The following LPO variants were observed in gnomAD, a reference collection of about 807,000 sequenced individuals.
LPO encodes the protein lactoperoxidase, also known as salivary peroxidase.
Under a neutral mutation model 68.4 loss-of-function variants are expected in LPO, and 70 were observed. The observed-to-expected ratio is 1.02, with a 90% CI of 0.84 to 1.25. The LOEUF is 1.25. Ranked by LOEUF, LPO falls within the 50% of genes most tolerant of loss-of-function variation. LPO has a pLI of 0.00. For synonymous variants in LPO, 360 were observed against 357.6 expected (o/e 1.01, Z -0.08); for missense variants, 873 against 908.4 (o/e 0.96, Z 0.50).
chr17:58,265,628 C>T (rs571190653), intron 10 of LPO, among the ~76,000 whole-genome samples: 1 of 128,008 alleles, frequency 7.8e-6, no homozygotes, highest in South Asian at 2.5e-4. Context: ...GTCACCCAGG[C>T]TGGAGTGCAA....
In LPO at chr17:58,267,952, C is replaced by T. The variant is rs925939053; in HGVS notation, c.2097C>T (p.Ile699=). The T allele has an allele frequency of 1.9e-5, 31 of 1,614,052 alleles. No individual in the cohort carries two copies. The highest frequency in any genetic ancestry group is 6.7e-5 in the East Asian group (3 of 44,890). Residue 699 remains isoleucine (I), a synonymous_variant, in exon 13 of 13, where the codon ATC becomes ATT. Coordinates refer to ENST00000262290, the MANE Select transcript of LPO (RefSeq NM_006151.3). The part of the protein sequence containing the change: ...YPYDFVDCSA[I]DKLDLSPWAS... ...ATGACTTCGTGGATTGCTCAGCCAT[C>T]GACAAGCTGGACCTGTCACCCTGGG...
chr17:58,249,790 G>T, intron 6 of LPO, 95 bp downstream of exon 6: 2 of 1,420,370 alleles, frequency 1.4e-6, no homozygotes, highest in East Asian at 2.7e-5. Flanking sequence ...GGGATCGGTG[G>T]GGGCAGCAGG....
rs550893860 is a variant in LPO, at chr17:58,261,803, T to A, written c.1267-2919T>A. Among the ~76,000 whole-genome samples, 8 of 152,332 alleles carry A rather than the reference T, an allele frequency of 5.3e-5. No homozygotes were observed. The East Asian group carries it at 1.3e-3, about 26-fold the overall frequency. On this transcript the variant is annotated intron_variant, in intron 9 of 12. Coordinates refer to ENST00000262290, the MANE Select transcript of LPO (RefSeq NM_006151.3). ...CTTTGTATAATTTTCTTAGTGGTTGTTCTCCGGATAGATAGGTAGATAGAT... is the reference window on the plus strand; with the variant it reads ...CTTTGTATAATTTTCTTAGTGGTTGATCTCCGGATAGATAGGTAGATAGAT...
chr17:58,258,352 C>A (rs528355212), intron 9 of LPO, among the ~76,000 whole-genome samples: 1 of 152,152 alleles, frequency 6.6e-6, no homozygotes, highest in East Asian at 1.9e-4. Flanking sequence ...TTTTATTCTC[C>A]GGCATATGGA....
chr17:58,241,731 A>G (rs969992114), intron 1 of LPO, among the ~76,000 whole-genome samples: 3 of 152,314 alleles, frequency 2.0e-5, no homozygotes, highest in Middle Eastern at 3.4e-3. Context: ...GTTAGCTGGC[A>G]AAAAGTACAA....
chr17:58,241,545 T>C (rs1306303483), intron 1 of LPO, among the ~76,000 whole-genome samples: 1 of 152,184 alleles, frequency 6.6e-6, no homozygotes, highest in African/African-American at 2.4e-5. Flanking sequence ...TTGCAAAATA[T>C]GGTGACAGAG....
At position 58,268,089 on chromosome 17, in the gene LPO, C is replaced by T; in HGVS notation, c.*95C>T. The T allele has an allele frequency of 1.5e-6, 2 of 1,311,478 alleles. No homozygotes were observed. The highest frequency in any genetic ancestry group is 2.1e-6 in the Non-Finnish European group (2 of 937,210). The allele number at this position is 1,311,478 out of a possible 1,614,324, so 81.2% of individuals were successfully genotyped here. ...CCCTTAGAGCTCCATATCCCAGTCC[C>T]AGCCCTTCTTTGCAGCTGGGCCTCT... is the stretch of plus-strand genomic sequence containing the variant. On this transcript the variant is annotated 3_prime_UTR_variant, in exon 13 of 13. Coordinates refer to ENST00000262290, the MANE Select transcript of LPO (RefSeq NM_006151.3).
intron 4 of LPO, among the ~76,000 whole-genome samples, chr17:58,247,994 C>T (rs1969882709): frequency 6.6e-6 from 1 of 152,190 alleles, no homozygotes; most frequent in African/African-American, 2.4e-5. Flanking sequence ...AGTGTCACCA[C>T]TTCCTCTAGT....
In LPO at chr17:58,247,601, G is replaced by C. The variant is rs202176211; in HGVS notation, c.288G>C (p.Lys96Asn). The change falls in exon 4 of 13, where the codon AAG (lysine) becomes AAC (asparagine). Residue 96 changes from lysine (K) to asparagine (N), a missense_variant. Transcript: ENST00000262290. ...GACAGGTGTGGGAGGAGTCTTTAAA[G>C]AGACTGAGGCAGAAGGCATCCTTGA... ...RNGQVWEESL[K>N]RLRQKASLTN... 4 of 1,614,180 alleles carry C rather than the reference G, an allele frequency of 2.5e-6. No homozygotes were observed. In the East Asian group the frequency reaches 6.7e-5, roughly 27 times the overall value.
chr17:58,243,824 G>A, intron 2 of LPO, 170 bp from the exon 3 acceptor site: 1 of 609,904 alleles, frequency 1.6e-6, no homozygotes. Flanking sequence ...TTCCCATTCT[G>A]TGCTTTTTCC....
Position 58,249,627 on chromosome 17 carries a change from G to C in LPO, c.505G>C (p.Glu169Gln). 2 of 1,602,236 alleles carry C rather than the reference G, an allele frequency of 1.2e-6. No homozygotes were observed. The highest frequency in any genetic ancestry group is 1.7e-6 in the Non-Finnish European group (2 of 1,178,934). The change falls in exon 6 of 13, where the codon GAG becomes CAG. Residue 169 changes from glutamate to glutamine, a missense_variant. Glu to Gln is a conservative substitution (Grantham distance 29). Coordinates refer to ENST00000262290, the MANE Select transcript of LPO (RefSeq NM_006151.3). The stretch of plus-strand genomic sequence containing the variant: ...GGCGCGCTGGCTGCCCGCGGAGTAC[G>C]AGGACGGGCTCTCCCTGCCCTTCGG... Reference protein sequence around the residue: ...ALARWLPAEYEDGLSLPFGWT... With the variant: ...ALARWLPAEYQDGLSLPFGWT...
intron 7 of LPO, 150 bp downstream of exon 7, chr17:58,250,771 C>A: frequency 1.3e-6 from 1 of 752,522 alleles, no homozygotes; most frequent in Non-Finnish European, 2.2e-6. Context: ...GTTCACTCAT[C>A]CGTTTATTCA....
chr17:58,255,604 G>A (rs902634787), intron 9 of LPO, among the ~76,000 whole-genome samples: 1 of 152,216 alleles, frequency 6.6e-6, no homozygotes, highest in African/African-American at 2.4e-5. Flanking sequence ...ACCGAGCAGA[G>A]GGCAGAGCCA....
chr17:58,244,841 G>T (rs1178318601), intron 3 of LPO, among the ~76,000 whole-genome samples: 1 of 152,210 alleles, frequency 6.6e-6, no homozygotes, highest in Non-Finnish European at 1.5e-5. Flanking sequence ...GCAGCAAGGG[G>T]AAGAGCCCAG....
In LPO at chr17:58,250,396, C is replaced by T. The variant is rs554607454; in HGVS notation, c.574-19C>T. 9 of 1,607,470 alleles carry T rather than the reference C, an allele frequency of 5.6e-6. No homozygotes were observed. The highest frequency in any genetic ancestry group is 7.7e-6 in the Non-Finnish European group (9 of 1,174,108). ...ACTTTTTCCTCTAATCTGCCCTCCC[C>T]TTCTCTCTCCATCTGTAGGCCCGGG... On this transcript the variant is annotated intron_variant, in intron 6 of 12. Transcript: ENST00000262290.
chr17:58,244,059 G>T lies in LPO; in HGVS notation c.142G>T (p.Ala48Ser), dbSNP rs776361744. The T allele has an allele frequency of 6.2e-7, 1 of 1,611,408 alleles. No homozygotes were observed. Among genetic ancestry groups the T allele is most frequent in the Non-Finnish European group, 8.5e-7 (1 of 1,179,538 alleles). The change falls in exon 3 of 13, where the codon GCC (alanine) becomes TCC (serine). Residue 48 changes from alanine (A) to serine (S), a missense_variant. Transcript: ENST00000262290. ...VSQAKVQVNK[A>S]FLDSRTRLKT... ...TCAGGCCAAGGTCCAAGTCAACAAG[G>T]CCTTCCTGGACTCCCGAACCAGGTA...
chr17:58,253,527 A>G (rs1970003847), intron 8 of LPO, among the ~76,000 whole-genome samples: 2 of 152,166 alleles, frequency 1.3e-5, no homozygotes, highest in African/African-American at 2.4e-5. Flanking sequence ...TCCCCATTCC[A>G]TTCAGCCTGT....
At position 58,243,218 on chromosome 17, in the gene LPO, A is replaced by C. The variant is rs1016427508; in HGVS notation, c.76+163A>C. On this transcript the variant is annotated intron_variant, in intron 2 of 12. Coordinates refer to ENST00000262290, the MANE Select transcript of LPO (RefSeq NM_006151.3). ...CTCCCTCTGAAGGCTCTAGGGAAGAATGCTTCCTTTCTTCTTCCAGCTTCT... is the reference window on the plus strand; with the variant it reads ...CTCCCTCTGAAGGCTCTAGGGAAGACTGCTTCCTTTCTTCTTCCAGCTTCT... 43 of 628,810 alleles carry C rather than the reference A, an allele frequency of 6.8e-5. No individual in the cohort carries two copies. In the Middle Eastern group the frequency reaches 1.2e-3, roughly 18 times the overall value. The allele number at this position is 628,810 out of a possible 1,614,324, so 39.0% of individuals were successfully genotyped here.
chr17:58,267,474 A>G lies in LPO; in HGVS notation c.1819A>G (p.Ile607Val). The G allele has an allele frequency of 6.2e-7, 1 of 1,614,234 alleles. No homozygotes were observed. The highest frequency in any genetic ancestry group is 8.5e-7 in the Non-Finnish European group (1 of 1,180,038). ...GGGTCTCTACGGGACCCCTGACAAC[A>G]TCGACATCTGGATAGGGGCCATTGC... is the stretch of plus-strand genomic sequence containing the variant. The part of the protein sequence containing the change: ...LLGLYGTPDN[I>V]DIWIGAIAEP... Residue 607 changes from isoleucine (I) to valine (V), a missense_variant, in exon 12 of 13, where the codon ATC (isoleucine) becomes GTC (valine). Physicochemically the swap from Ile to Val is conservative, Grantham distance 29 (BLOSUM62 3). Transcript: ENST00000262290.
Sources: gnomAD v4.1 joint callset for allele counts (sites outside exome capture counted in the v4.1 genomes callset) on GRCh38, gnomAD v4.1.1 for gene constraint, MANE v1.5 for transcripts, NCBI Gene and HGNC (gene_info 2026-07-23, HGNC 2026-07-21) for gene names.